Variants in CMPK2 observed in about 807,000 individuals in gnomAD.
CMPK2 encodes UMP-CMP kinase 2, mitochondrial.
Under a neutral mutation model 33.4 loss-of-function variants are expected in CMPK2, and 32 were observed. That is an observed-to-expected ratio of 0.96 (90% confidence interval 0.72 to 1.29). CMPK2 has a LOEUF of 1.29. CMPK2 is among the 50% of genes most tolerant of loss of function. The pLI is 0.00. For synonymous variants in CMPK2, 299 were observed against 275.3 expected (o/e 1.09, Z -0.85); for missense variants, 672 against 616.0 (o/e 1.09, Z -0.96).
rs556026369 is a variant in CMPK2, at chr2:6,863,908, G to A, written c.676-330C>T. Among the ~76,000 whole-genome samples the A allele has an allele frequency of 7.2e-5, 11 of 152,336 alleles. 1 individual carries two copies. In the South Asian group the frequency reaches 2.3e-3, roughly 32 times the overall value. On this transcript the variant is annotated intron_variant, in intron 1 of 4. Transcript: ENST00000256722. ...AACCATGGAACTACAGGCCCGCTGG[G>A]AACACTGTCTCACAAGAATGGGAAA...
intron 3 of CMPK2, among the ~76,000 whole-genome samples, chr2:6,853,138 T>C (rs537640192): frequency 1.3e-5 from 2 of 152,160 alleles, no homozygotes; most frequent in East Asian, 1.9e-4. Flanking sequence ...TTAATAGAGA[T>C]GGGGTTTCAT....
intron 3 of CMPK2, among the ~76,000 whole-genome samples, chr2:6,853,836 A>G (rs1224495133): frequency 1.3e-5 from 2 of 151,998 alleles, no homozygotes; most frequent in Non-Finnish European, 2.9e-5. Context: ...CGGAAGGCAG[A>G]GCTTGCAGTG....
At chr2:6,843,251 T>C (rs995113640) in intron 3 of CMPK2, among the ~76,000 whole-genome samples, 1 of 152,156 alleles carries the variant, frequency 6.6e-6, no homozygotes, top group Non-Finnish European at 1.5e-5. Context: ...CTGTGAACCA[T>C]TTATTTCCCT....
Position 6,851,576 on chromosome 2 carries a change from A to G in CMPK2, c.1100T>C (p.Leu367Pro). The change falls in exon 4 of 5, where the codon CTC (leucine) becomes CCC (proline). Residue 367 changes from leucine (L) to proline (P), a missense_variant. Physicochemically the swap from Leu to Pro is moderately conservative, Grantham distance 98. Transcript: ENST00000256722. ...HPVYQWPEDLLKPDLILLLTV... is the reference protein window; with the variant it reads ...HPVYQWPEDLPKPDLILLLTV... Reference sequence around the variant, plus strand: ...GAGCAGCAGGATAAGGTCAGGTTTGAGCAGGTCCTCTGGCCACTGGTACAC... The same window carrying G: ...GAGCAGCAGGATAAGGTCAGGTTTGGGCAGGTCCTCTGGCCACTGGTACAC... 1.2e-6 allele frequency: 2 copies of G among 1,614,180 alleles called. No individual in the cohort carries two copies. Among genetic ancestry groups the G allele is most frequent in the African/African-American group, 2.7e-5 (2 of 75,034 alleles).
In CMPK2 at chr2:6,848,685, A is replaced by C; in HGVS notation, c.*1165T>G. The C allele has an allele frequency of 1.0e-6, 1 of 984,646 alleles. No individual in the cohort carries two copies. The highest frequency in any genetic ancestry group is 1.7e-5 in the African/African-American group (1 of 57,342). The allele number at this position is 984,646 out of a possible 1,614,324, so 61.0% of individuals were successfully genotyped here. On this transcript the variant is annotated 3_prime_UTR_variant, in exon 5 of 5. Coordinates refer to ENST00000256722, the MANE Select transcript of CMPK2 (RefSeq NM_207315.4). ...CTTAAGAAATGGTAGATAGGATAAA[A>C]TAATTTACAGATTTATCTGCCTTTG...
intron 3 of CMPK2, among the ~76,000 whole-genome samples, chr2:6,856,871 C>T (rs1266171994): frequency 1.3e-5 from 2 of 152,192 alleles, no homozygotes; most frequent in Non-Finnish European, 2.9e-5. Flanking sequence ...TGGTTTTCCA[C>T]CTTATACATA....
rs1662432427 is a variant in CMPK2, at chr2:6,848,997, T to G, written c.*853A>C. 7.1e-6 allele frequency: 7 copies of G among 984,948 alleles called. No homozygotes were observed. In the South Asian group the frequency reaches 2.8e-4, roughly 40 times the overall value. The allele number at this position is 984,948 out of a possible 1,614,324, so 61.0% of individuals were successfully genotyped here. ...CTTTTAATTAATGAATCATAGCTCC[T>G]ATGCTGAGGAAACATATTATGTATA... On this transcript the variant is annotated 3_prime_UTR_variant, in exon 5 of 5. Transcript: ENST00000256722.
At chr2:6,865,926 G>A (rs2103231676), upstream of CMPK2, 3 of 1,386,790 alleles carry the variant, frequency 2.2e-6, no homozygotes, top group South Asian at 1.4e-5. Context: ...AACGGCCGGC[G>A]CTCGGGAGCA....
At chr2:6,862,804 C>T (rs148048512) in intron 2 of CMPK2, among the ~76,000 whole-genome samples, 1 of 152,256 alleles carries the variant, frequency 6.6e-6, no homozygotes, top group East Asian at 1.9e-4. Flanking sequence ...AAGTCTGTAC[C>T]CCTCAAGTTT....
At chr2:6,851,359 T>C in intron 4 of CMPK2, 91 bp downstream of exon 4, 1 of 1,567,620 alleles carries the variant, frequency 6.4e-7, no homozygotes, top group Non-Finnish European at 8.7e-7. Context: ...GGAAACAATA[T>C]CACTTCCTCA....
intron 3 of CMPK2, among the ~76,000 whole-genome samples, chr2:6,852,210 A>G (rs1662544912): frequency 6.6e-6 from 1 of 152,232 alleles, no homozygotes; most frequent in Non-Finnish European, 1.5e-5. Flanking sequence ...CCTCAGTATG[A>G]GACAGGGAGA....
intron 1 of CMPK2, 23 bp downstream of exon 1, chr2:6,864,999 C>A (rs753032813): frequency 2.1e-6 from 3 of 1,401,844 alleles, no homozygotes; most frequent in Non-Finnish European, 2.8e-6. Context: ...ACGCTGGGAG[C>A]TGGAAGCGGA....
In CMPK2 at chr2:6,849,853, C is replaced by G; in HGVS notation, c.1347G>C (p.Pro449=). ...ACGTGGCACCTGGCCAGAGTAACTACGGTTCACTAAAACTATTCTGGATTA... is the reference window on the plus strand; with the variant it reads ...ACGTGGCACCTGGCCAGAGTAACTAGGGTTCACTAAAACTATTCTGGATTA... ...LSLIQNSFSE[P] is the part of the protein sequence containing the mutation. Residue 449 remains proline (P), a synonymous_variant, in exon 5 of 5, where the codon CCG becomes CCC. Transcript: ENST00000256722. 1 of 1,613,786 alleles carries G rather than the reference C, an allele frequency of 6.2e-7. No individual in the cohort carries two copies. The highest frequency in any genetic ancestry group is 1.1e-5 in the South Asian group (1 of 90,982).
At position 6,849,519 on chromosome 2, in the gene CMPK2, T is replaced by C. The variant is rs931541259; in HGVS notation, c.*331A>G. 9.4e-7 allele frequency: 1 copy of C among 1,064,852 alleles called. No homozygotes were observed. Among genetic ancestry groups the C allele is most frequent in the South Asian group, 3.0e-5 (1 of 33,746 alleles). The allele number at this position is 1,064,852 out of a possible 1,614,324, so 66.0% of individuals were successfully genotyped here. A position where few individuals can be genotyped will look rare whatever the true frequency, so the allele number is the denominator to read the frequency against. On this transcript the variant is annotated 3_prime_UTR_variant, in exon 5 of 5. Transcript: ENST00000256722. ...TGGAAGATCTTGTCTGCTGCTTCTG[T>C]ACACCTGGTGCTGTCTGAGTAAGAC...
At chr2:6,859,501 C>T (rs1662810655) in intron 3 of CMPK2, among the ~76,000 whole-genome samples, 2 of 152,174 alleles carry the variant, frequency 1.3e-5, no homozygotes, top group Admixed American at 1.3e-4. Context: ...AGCCTAGAGA[C>T]TTGGTGCCCT....
At chr2:6,856,822 C>T (rs1000563095) in intron 3 of CMPK2, among the ~76,000 whole-genome samples, 1 of 152,198 alleles carries the variant, frequency 6.6e-6, no homozygotes, top group African/African-American at 2.4e-5. Context: ...AATGTGTGTG[C>T]CCTCATGCAT....
At chr2:6,861,043 T>G in intron 3 of CMPK2, 141 bp downstream of exon 3, 1 of 657,650 alleles carries the variant, frequency 1.5e-6, no homozygotes, top group South Asian at 1.9e-5. Context: ...ATTATCATAA[T>G]AACAGTTTGA....
chr2:6,846,977 T>C (rs958888108), downstream of CMPK2, among the ~76,000 whole-genome samples: 4 of 152,112 alleles, frequency 2.6e-5, no homozygotes, highest in African/African-American at 9.7e-5. Context: ...TCCAAGAAGA[T>C]TAAGGAGTGC....
intron 3 of CMPK2, among the ~76,000 whole-genome samples, chr2:6,859,949 T>C (rs944829955): frequency 6.6e-6 from 1 of 152,186 alleles, no homozygotes; most frequent in Non-Finnish European, 1.5e-5. Context: ...GGCTATACCC[T>C]GCAAAGCCAC....
Sources: allele counts gnomAD v4.1 joint callset (sites outside exome capture counted in the v4.1 genomes callset), GRCh38; gene constraint gnomAD v4.1.1; transcripts MANE v1.5; gene names NCBI Gene and HGNC (gene_info 2026-07-23, HGNC 2026-07-21).